The following CRADD variants were observed in gnomAD, a reference collection of about 807,000 sequenced individuals.
CRADD encodes death domain-containing protein CRADD.
In CRADD, 9 loss-of-function variants were observed where a neutral mutation model predicts 15.5. That is an observed-to-expected ratio of 0.58 (90% CI 0.35 to 1.01). The LOEUF (loss-of-function observed/expected upper bound fraction) is 1.01, where lower values mean the gene tolerates loss of function less well. Ranked by LOEUF, CRADD falls within the 50% of genes least tolerant of loss-of-function variation. CRADD has a pLI of 0.02. For missense variants in CRADD, 227 were observed against 250.3 expected (o/e 0.91, Z 0.63); for synonymous variants, 118 against 107.6 (o/e 1.10, Z -0.60).
chr12:93,778,174 T>C (rs1343755472), intron 2 of CRADD, among the ~76,000 whole-genome samples: 1 of 152,186 alleles, frequency 6.6e-6, no homozygotes, highest in African/African-American at 2.4e-5. Flanking sequence ...AAAAACTTCA[T>C]TTTTGAAAAT....
At chr12:93,891,042 C>T (rs548210077) in intron 2 of CRADD, among the ~76,000 whole-genome samples, 1 of 152,042 alleles carries the variant, frequency 6.6e-6, no homozygotes, top group Non-Finnish European at 1.5e-5. Context: ...AGCCACCACG[C>T]CTAGCCCAAT....
At chr12:93,731,742 G>A (rs915528893) in intron 2 of CRADD, among the ~76,000 whole-genome samples, 1 of 152,224 alleles carries the variant, frequency 6.6e-6, no homozygotes, top group African/African-American at 2.4e-5. Flanking sequence ...AGACCTACCT[G>A]AGGATTCTTC....
intron 2 of CRADD, among the ~76,000 whole-genome samples, chr12:93,847,498 GAAAAAAAAAAAAAA>G (rs11378030): frequency 3.2e-5 from 2 of 62,934 alleles, no homozygotes; most frequent in Non-Finnish European, 2.9e-5. Flanking sequence ...AGCATTGCTT[GAAAAAAAAAAAAAA>G]AAAAAAAAAC....
At chr12:93,725,509 C>T (rs1441588653) in intron 2 of CRADD, among the ~76,000 whole-genome samples, 1 of 151,542 alleles carries the variant, frequency 6.6e-6, no homozygotes, top group Non-Finnish European at 1.5e-5. Flanking sequence ...CCCTACTCCT[C>T]TTACCCCAAT....
At chr12:93,880,232 A>C (rs1268386782) in intron 2 of CRADD, among the ~76,000 whole-genome samples, 1 of 152,184 alleles carries the variant, frequency 6.6e-6, no homozygotes, top group East Asian at 1.9e-4. Flanking sequence ...GGGATCTGGA[A>C]AGGAGAAAGC....
At chr12:93,815,706 T>C (rs1181963433) in intron 2 of CRADD, among the ~76,000 whole-genome samples, 1 of 152,248 alleles carries the variant, frequency 6.6e-6, no homozygotes, top group Non-Finnish European at 1.5e-5. Flanking sequence ...GTGAGATTAT[T>C]TAGCCAAATG....
chr12:93,758,049 G>T (rs546663439), intron 2 of CRADD, among the ~76,000 whole-genome samples: 2 of 152,216 alleles, frequency 1.3e-5, no homozygotes, highest in African/African-American at 2.4e-5. Context: ...TTAGAGTTTA[G>T]TCATGTGTAT....
intron 2 of CRADD, among the ~76,000 whole-genome samples, chr12:93,873,168 A>G (rs901433419): frequency 4.6e-5 from 7 of 151,842 alleles, no homozygotes; most frequent in African/African-American, 1.7e-4. Flanking sequence ...TTATGTGTGG[A>G]TACTGTAAAT....
At chr12:93,807,109 G>T (rs957139119) in intron 2 of CRADD, among the ~76,000 whole-genome samples, 1 of 152,100 alleles carries the variant, frequency 6.6e-6, no homozygotes, top group Non-Finnish European at 1.5e-5. Context: ...ACTTTCTTTT[G>T]TAGAGTGGGT....
intron 2 of CRADD, among the ~76,000 whole-genome samples, chr12:93,687,051 T>C (rs1398432921): frequency 2.0e-5 from 3 of 152,212 alleles, no homozygotes; most frequent in African/African-American, 7.2e-5. Flanking sequence ...CGTTCAGTAC[T>C]GCATTTTGTC....
intron 2 of CRADD, among the ~76,000 whole-genome samples, chr12:93,810,994 G>A (rs923124249): frequency 6.6e-6 from 1 of 152,210 alleles, no homozygotes; most frequent in African/African-American, 2.4e-5. Context: ...ATGAGCCTGT[G>A]ATAAGTTATC....
intron 2 of CRADD, among the ~76,000 whole-genome samples, chr12:93,839,124 C>T (rs1306816349): frequency 6.6e-6 from 1 of 152,142 alleles, no homozygotes; most frequent in African/African-American, 2.4e-5. Context: ...CTTTTCCTTA[C>T]ATTTTTTGCT....
chr12:93,806,383 C>T (rs781675904), intron 2 of CRADD, among the ~76,000 whole-genome samples: 13 of 134,792 alleles, frequency 9.6e-5, no homozygotes, highest in Non-Finnish European at 1.5e-4. Context: ...ACCCGGGAGG[C>T]AGAGGTTGCA....
intron 2 of CRADD, among the ~76,000 whole-genome samples, chr12:93,706,352 T>A (rs1240288967): frequency 2.0e-5 from 3 of 152,212 alleles, no homozygotes; most frequent in African/African-American, 7.2e-5. Flanking sequence ...AAAATGTGGG[T>A]GATAGACTAT....
chr12:93,695,460 TAAAC>T (rs2136823542), intron 2 of CRADD, among the ~76,000 whole-genome samples: 2 of 152,192 alleles, frequency 1.3e-5, no homozygotes, highest in East Asian at 3.9e-4. Flanking sequence ...ACAAATGGGA[TAAAC>T]AAAAGCTTCT....
At chr12:93,880,858 T>C (rs545271513) in intron 2 of CRADD, among the ~76,000 whole-genome samples, 1 of 152,330 alleles carries the variant, frequency 6.6e-6, no homozygotes, top group East Asian at 1.9e-4. Flanking sequence ...TGTTGATAAG[T>C]TCCTTCCTCA....
At chr12:93,702,219 G>T (rs1450363158) in intron 2 of CRADD, among the ~76,000 whole-genome samples, 2 of 152,254 alleles carry the variant, frequency 1.3e-5, no homozygotes, top group South Asian at 2.1e-4. Context: ...CTCAAATAAA[G>T]AATTGATGTG....
At chr12:93,706,117 T>C (rs1487025066) in intron 2 of CRADD, among the ~76,000 whole-genome samples, 1 of 152,248 alleles carries the variant, frequency 6.6e-6, no homozygotes, top group East Asian at 1.9e-4. Context: ...TTTCTTTTGT[T>C]ATGGTTTTAT....
chr12:93,768,731 T>C (rs1268106733), intron 2 of CRADD, among the ~76,000 whole-genome samples: 1 of 152,194 alleles, frequency 6.6e-6, no homozygotes, highest in Non-Finnish European at 1.5e-5. Context: ...AGATCCTAAG[T>C]GTACAACTCA....
Sources: gnomAD v4.1 joint callset for allele counts (sites outside exome capture counted in the v4.1 genomes callset) on GRCh38, gnomAD v4.1.1 for gene constraint, MANE v1.5 for transcripts, NCBI Gene and HGNC (gene_info 2026-07-23, HGNC 2026-07-21) for gene names.